The following INTS4 variants were observed in gnomAD, a reference collection of about 807,000 sequenced individuals.
The protein encoded by INTS4 is integrator complex subunit 4.
In INTS4, 70 loss-of-function variants were observed where a neutral mutation model predicts 119.5. The observed-to-expected ratio is 0.59, with a 90% CI of 0.48 to 0.71. The LOEUF is 0.71. Ranked by LOEUF, INTS4 falls within the 30% of genes least tolerant of loss-of-function variation. The pLI, the probability that INTS4 is intolerant of heterozygous loss-of-function variation, is 0.00. For synonymous variants in INTS4, 316 were observed against 419.6 expected, an observed-to-expected ratio of 0.75 and a Z score of 3.02; for missense variants, 867 against 1,173.2, an observed-to-expected ratio of 0.74 and a Z score of 3.81.
At chr11:77,987,472 T>A (rs144432739) in intron 2 of INTS4, 2 of 307,838 alleles carry the variant, frequency 6.5e-6, no homozygotes, top group East Asian at 2.0e-4. Context: ...AGATGATTAT[T>A]GGTAACAGAT....
intron 15 of INTS4, among the ~76,000 whole-genome samples, chr11:77,908,941 C>T (rs1181227480): frequency 6.6e-6 from 1 of 152,210 alleles, no homozygotes; most frequent in Non-Finnish European, 1.5e-5. Context: ...TTCAAGGGAA[C>T]ATGTCCCCAA....
At chr11:77,884,849 G>A (rs1158117750) in intron 21 of INTS4, 1 of 371,116 alleles carries the variant, frequency 2.7e-6, no homozygotes, top group Admixed American at 2.7e-5. Flanking sequence ...CAAACTCCTG[G>A]GCGCAAGTGA....
intron 15 of INTS4, chr11:77,918,117 C>A (rs368331961): frequency 1.4e-6 from 1 of 702,224 alleles, no homozygotes; most frequent in Non-Finnish European, 2.6e-6. Context: ...CTGCTTGATG[C>A]AGAAGATGAA....
In INTS4 at chr11:77,883,921, A is replaced by G; in HGVS notation, c.2624T>C (p.Ile875Thr). The G allele has an allele frequency of 6.2e-7, 1 of 1,613,304 alleles. No individual in the cohort carries two copies. Among genetic ancestry groups the G allele is most frequent in the East Asian group, 2.2e-5 (1 of 44,846 alleles). ...CCGGAAGTCTGCAGGCTTGGGGTGA[A>G]TCATCTGAGCCTGGCCATCTGGATA... ...VLYPDGQAQM[I>T]HPKPADFRNP... The change falls in exon 22 of 23, where the codon ATT (isoleucine) becomes ACT (threonine). Residue 875 changes from isoleucine (I) to threonine (T), a missense_variant. Coordinates refer to ENST00000534064, the MANE Select transcript of INTS4 (RefSeq NM_033547.4).
At chr11:77,963,569 TA>T (rs1431403911) in intron 4 of INTS4, 16 of 347,136 alleles carry the variant, frequency 4.6e-5, no homozygotes, top group Middle Eastern at 4.0e-4. Context: ...AAATAAAAAT[TA>T]ATTTACAATT....
chr11:77,966,744 A>G (rs1855518067), intron 4 of INTS4, among the ~76,000 whole-genome samples: 1 of 152,142 alleles, frequency 6.6e-6, no homozygotes, highest in Non-Finnish European at 1.5e-5. Flanking sequence ...TTTTTGTTCA[A>G]AATTGTTTTG....
chr11:77,967,456 A>G (rs562101687), intron 4 of INTS4, among the ~76,000 whole-genome samples: 1 of 152,336 alleles, frequency 6.6e-6, no homozygotes, highest in East Asian at 1.9e-4. Flanking sequence ...CTGTTGTTTA[A>G]GCCATCCAGC....
chr11:77,980,695 TA>T (rs1565289262), intron 3 of INTS4, among the ~76,000 whole-genome samples: 1 of 152,104 alleles, frequency 6.6e-6, no homozygotes, highest in Non-Finnish European at 1.5e-5. Context: ...TTAGTGCTTT[TA>T]AAAATGTGTC....
chr11:77,985,517 T>A (rs1267422522), intron 2 of INTS4, among the ~76,000 whole-genome samples: 1 of 152,210 alleles, frequency 6.6e-6, no homozygotes, highest in African/African-American at 2.4e-5. Context: ...CATTTCTGGA[T>A]CCCTGCTTCC....
At position 77,928,379 on chromosome 11, in the gene INTS4, C is replaced by T. The variant is rs1420100438; in HGVS notation, c.1334G>A (p.Arg445Gln). ...CAGGACAGTGTCAAGCTGATCTTCT[C>T]GGAGGGTGATGTTGTTAGAGATTTT... is the stretch of plus-strand genomic sequence containing the variant. Reference protein sequence around the residue: ...MRKISNNITLREDQLDTVLAV... With the variant: ...MRKISNNITLQEDQLDTVLAV... The change falls in exon 11 of 23, where the codon CGA becomes CAA. Residue 445 changes from arginine (R) to glutamine (Q), a missense_variant. Transcript: ENST00000534064. 3.1e-6 allele frequency: 5 copies of T among 1,612,916 alleles called. No homozygotes were observed. Among genetic ancestry groups the T allele is most frequent in the Non-Finnish European group, 3.4e-6 (4 of 1,179,432 alleles).
chr11:77,994,242 AC>A (rs978094400), intron 1 of INTS4, among the ~76,000 whole-genome samples: 1 of 151,808 alleles, frequency 6.6e-6, no homozygotes, highest in Middle Eastern at 3.2e-3. Flanking sequence ...GTATCCTCGT[AC>A]CCCTCCGGAA....
intron 15 of INTS4, among the ~76,000 whole-genome samples, chr11:77,912,292 G>A (rs1474312888): frequency 6.6e-6 from 1 of 151,540 alleles, no homozygotes; most frequent in Non-Finnish European, 1.5e-5. Context: ...AACCTGGGAG[G>A]CAGAGGTTGC....
chr11:77,987,222 A>G (rs1026052233), intron 2 of INTS4: 3 of 154,634 alleles, frequency 1.9e-5, no homozygotes, highest in East Asian at 1.9e-4. Context: ...TACATAGTAT[A>G]TATCTGAAAT....
chr11:77,958,708 TTCACAA>T lies in INTS4; in HGVS notation c.797+32_797+37del, dbSNP rs1458102439. 9 of 1,275,676 alleles carry T rather than the reference TTCACAA, an allele frequency of 7.1e-6. No individual in the cohort carries two copies. The African/African-American group carries it at 1.0e-4, about 15-fold the overall frequency. 79.0% of individuals were successfully genotyped at this position (1,275,676 alleles called of 1,614,324 possible). ...CATGGTGAGAGGAGAGGAAAACGGCTTCACAATCAACAAAAGCCAGCTTACACCCAC... is the reference window on the plus strand; with the variant it reads ...CATGGTGAGAGGAGAGGAAAACGGCTTCAACAAAAGCCAGCTTACACCCAC... On this transcript the variant is annotated intron_variant, in intron 7 of 22. Coordinates refer to ENST00000534064, the MANE Select transcript of INTS4 (RefSeq NM_033547.4).
chr11:77,913,533 G>A (rs867214095), intron 15 of INTS4, among the ~76,000 whole-genome samples: 7 of 152,012 alleles, frequency 4.6e-5, no homozygotes, highest in African/African-American at 9.7e-5. Context: ...GGATGGTCTC[G>A]ATCTCCTGAG....
At chr11:77,880,043 A>G (rs2136347607) in intron 22 of INTS4, among the ~76,000 whole-genome samples, 1 of 152,328 alleles carries the variant, frequency 6.6e-6, no homozygotes, top group Middle Eastern at 3.4e-3. Context: ...TCTATTAACC[A>G]CAAGCTTCTA....
Position 77,961,064 on chromosome 11 carries a change from T to C in INTS4, c.546A>G (p.Lys182=). Residue 182 remains lysine, a synonymous_variant, in exon 5 of 23, where the codon AAA becomes AAG. Transcript: ENST00000534064. ...QLLGNLGSLE[K]SVTKDAEGLA... ...GGCCTTCTGCATCTTTTGTGACACT[T>C]TTCTCCAAAGAGCCAAGATTGCCAA... 1 of 1,613,314 alleles carries C rather than the reference T, an allele frequency of 6.2e-7. No individual in the cohort carries two copies. Among genetic ancestry groups the C allele is most frequent in the Non-Finnish European group, 8.5e-7 (1 of 1,179,780 alleles).
rs576208105 is a variant in INTS4, at chr11:77,965,210, C to T, written c.472-4072G>A. 9.2e-5 allele frequency among the ~76,000 whole-genome samples: 14 copies of T among 152,204 alleles called. No homozygotes were observed. In the East Asian group the frequency reaches 2.7e-3, roughly 29 times the overall value. On this transcript the variant is annotated intron_variant, in intron 4 of 22. Coordinates refer to ENST00000534064, the MANE Select transcript of INTS4 (RefSeq NM_033547.4). ...GAGAATACAGGTGCAAGCCACCATGCCCAGCTACTTTTTTTACTTCTGTAG... is the reference window on the plus strand; with the variant it reads ...GAGAATACAGGTGCAAGCCACCATGTCCAGCTACTTTTTTTACTTCTGTAG...
chr11:77,892,105 A>G (rs1006868169), intron 19 of INTS4, among the ~76,000 whole-genome samples: 7 of 152,238 alleles, frequency 4.6e-5, no homozygotes, highest in Non-Finnish European at 8.8e-5. Context: ...CAGCAATCCT[A>G]TGCATCATTA....
Sources: gnomAD v4.1 joint callset for allele counts (sites outside exome capture counted in the v4.1 genomes callset) on GRCh38, gnomAD v4.1.1 for gene constraint, MANE v1.5 for transcripts, NCBI Gene and HGNC (gene_info 2026-07-23, HGNC 2026-07-21) for gene names.